The following AXDND1 variants were observed in gnomAD, a reference collection of about 807,000 sequenced individuals.
The protein encoded by AXDND1 is axonemal dynein light chain domain-containing protein 1.
A neutral mutation model predicts 137.5 loss-of-function variants in AXDND1; 110 were observed. That is an observed-to-expected ratio of 0.80 (90% CI 0.69 to 0.94). The LOEUF (loss-of-function observed/expected upper bound fraction) is 0.94. Ranked by LOEUF, AXDND1 falls within the 40% of genes least tolerant of loss-of-function variation. The probability of loss-of-function intolerance (pLI) is 0.00; values close to 1 mark genes in which losing one functional copy is unlikely to be tolerated. For synonymous variants in AXDND1, 414 were observed against 399.7 expected (o/e 1.04, Z -0.43); for missense variants, 1,191 against 1,169.8 (o/e 1.02, Z -0.26).
At chr1:179,456,836 A>G in intron 16 of AXDND1, 2 of 803,478 alleles carry the variant, frequency 2.5e-6, no homozygotes, top group Non-Finnish European at 4.4e-6. Context: ...CATTCACAGT[A>G]TGCTATTTCT....
intron 17 of AXDND1, among the ~76,000 whole-genome samples, chr1:179,479,809 C>T (rs936483962): frequency 6.6e-6 from 1 of 152,078 alleles, no homozygotes; most frequent in Non-Finnish European, 1.5e-5. Context: ...GAAATTTCTT[C>T]CACCAGATAT....
At chr1:179,379,138 ACTT>A (rs1044637826) in intron 5 of AXDND1, among the ~76,000 whole-genome samples, 6 of 152,134 alleles carry the variant, frequency 3.9e-5, no homozygotes, top group Non-Finnish European at 7.4e-5. Flanking sequence ...GAATCAATAA[ACTT>A]CTGAATATAT....
intron 16 of AXDND1, among the ~76,000 whole-genome samples, chr1:179,465,922 A>G (rs895499844): frequency 4.6e-5 from 7 of 152,224 alleles, no homozygotes; most frequent in Non-Finnish European, 1.0e-4. Context: ...CCTCTGAGCC[A>G]GGCGCGGGAT....
At chr1:179,397,077 G>A (rs1651180702) in intron 11 of AXDND1, among the ~76,000 whole-genome samples, 1 of 152,192 alleles carries the variant, frequency 6.6e-6, no homozygotes, top group South Asian at 2.1e-4. Flanking sequence ...GCTTCATAGT[G>A]TCACTGGTCT....
intron 7 of AXDND1, 84 bp from the exon 8 acceptor site, chr1:179,383,358 T>C (rs1244723700): frequency 5.0e-6 from 5 of 995,112 alleles, no homozygotes; most frequent in Non-Finnish European, 6.2e-6. Context: ...ATATATTCTC[T>C]TTACACATAT....
intron 25 of AXDND1, among the ~76,000 whole-genome samples, chr1:179,539,884 A>G (rs1671950510): frequency 6.6e-6 from 1 of 151,592 alleles, no homozygotes; most frequent in African/African-American, 2.4e-5. Context: ...GGCTTTGTTC[A>G]TTTCTTTTCA....
intron 12 of AXDND1, among the ~76,000 whole-genome samples, chr1:179,412,320 G>A (rs1654021329): frequency 6.6e-6 from 1 of 152,118 alleles, no homozygotes; most frequent in Non-Finnish European, 1.5e-5. Context: ...GGACTTCTAG[G>A]TACAGTGAAT....
At position 179,393,990 on chromosome 1, in the gene AXDND1, G is replaced by C. The variant is rs1240263850; in HGVS notation, c.951G>C (p.Gln317His). Residue 317 changes from glutamine to histidine, a missense_variant, in exon 10 of 26, where the codon CAG (glutamine) becomes CAC (histidine). By Grantham distance (24) the Gln-to-His change is conservative. Coordinates refer to ENST00000367618, the MANE Select transcript of AXDND1 (RefSeq NM_144696.6). ...KDLVTQRVMD[Q>H]RILEELYNFK... ...TGGTAACTCAGCGAGTGATGGACCA[G>C]CGCATTTTAGAAGAATTGTATAATT... 6.2e-7 allele frequency: 1 copy of C among 1,610,808 alleles called. No individual in the cohort carries two copies. The highest frequency in any genetic ancestry group is 8.5e-7 in the Non-Finnish European group (1 of 1,178,880).
At chr1:179,498,539 G>A (rs1309928282) in intron 20 of AXDND1, among the ~76,000 whole-genome samples, 3 of 151,984 alleles carry the variant, frequency 2.0e-5, no homozygotes, top group Non-Finnish European at 2.9e-5. Context: ...ATAATTTTTG[G>A]CTAAATCTCC....
chr1:179,519,928 T>A (rs1359916044), intron 21 of AXDND1, among the ~76,000 whole-genome samples: 1 of 152,178 alleles, frequency 6.6e-6, no homozygotes, highest in African/African-American at 2.4e-5. Flanking sequence ...GTGAAGAATG[T>A]CAATGGTAGT....
chr1:179,425,493 G>A (rs930333276), intron 12 of AXDND1, among the ~76,000 whole-genome samples: 7 of 152,110 alleles, frequency 4.6e-5, no homozygotes, highest in African/African-American at 1.7e-4. Context: ...GTCTCTGCCT[G>A]TCCTCAGGCA....
intron 10 of AXDND1, among the ~76,000 whole-genome samples, chr1:179,394,300 T>C (rs998217193): frequency 2.0e-5 from 3 of 152,156 alleles, no homozygotes; most frequent in African/African-American, 4.8e-5. Context: ...TTCTAAAATA[T>C]AGATGTTGCT....
intron 16 of AXDND1, among the ~76,000 whole-genome samples, chr1:179,463,950 T>G (rs1290611621): frequency 8.0e-6 from 1 of 124,288 alleles, no homozygotes; most frequent in African/African-American, 2.6e-5. Flanking sequence ...ACCTCTGCTG[T>G]TTTTTTTCCC....
chr1:179,487,704 C>T (rs78964829), intron 18 of AXDND1, among the ~76,000 whole-genome samples: 22,406 of 148,102 alleles, frequency 0.15, 3,229 homozygotes, highest in East Asian at 0.35. Context: ...CTTTTCATTT[C>T]CATCAATCAG....
intron 16 of AXDND1, chr1:179,456,606 T>A: frequency 1.2e-6 from 1 of 814,578 alleles, no homozygotes; most frequent in South Asian, 1.3e-5. Flanking sequence ...ACCAAACCCA[T>A]TATAGCCATC....
chr1:179,554,499 T>G lies in AXDND1; in HGVS notation c.3032-13T>G, dbSNP rs2125780452. On this transcript the variant is annotated splice_polypyrimidine_tract_variant and intron_variant, in intron 25 of 25. Transcript: ENST00000367618. ...ACATTTCTATTCTCTCCACTTTGAT[T>G]CCCCAAATACAGGTCACTGAATCCA... The G allele has an allele frequency of 6.2e-7, 1 of 1,614,148 alleles. No individual in the cohort carries two copies.
intron 17 of AXDND1, among the ~76,000 whole-genome samples, chr1:179,471,275 T>G (rs1166401945): frequency 1.3e-5 from 2 of 152,192 alleles, no homozygotes; most frequent in Non-Finnish European, 2.9e-5. Context: ...ATCTTTATCT[T>G]TTGGAAGATA....
intron 11 of AXDND1, among the ~76,000 whole-genome samples, chr1:179,403,143 T>G (rs768252888): frequency 3.3e-5 from 5 of 152,134 alleles, no homozygotes; most frequent in Non-Finnish European, 5.9e-5. Flanking sequence ...ATTTTGCATG[T>G]TATATATATA....
chr1:179,387,405 G>A (rs1649392966), intron 9 of AXDND1, among the ~76,000 whole-genome samples: 1 of 152,134 alleles, frequency 6.6e-6, no homozygotes, highest in Non-Finnish European at 1.5e-5. Context: ...CCCCATTCCT[G>A]CAATAATGGC....
Sources: gnomAD v4.1 joint callset for allele counts (sites outside exome capture counted in the v4.1 genomes callset) on GRCh38, gnomAD v4.1.1 for gene constraint, MANE v1.5 for transcripts, NCBI Gene and HGNC (gene_info 2026-07-23, HGNC 2026-07-21) for gene names.